Variants in SPECC1 observed in about 807,000 individuals in gnomAD.
The protein encoded by SPECC1 is cytospin-B.
In SPECC1, 62 loss-of-function variants were observed where a neutral mutation model predicts 104.1. That is an observed-to-expected ratio of 0.60 (90% CI 0.49 to 0.74). The LOEUF (loss-of-function observed/expected upper bound fraction) is 0.74, where lower values mean the gene tolerates loss of function less well. Ranked by LOEUF, SPECC1 falls within the 30% of genes least tolerant of loss-of-function variation. SPECC1 has a pLI of 0.00. For missense variants in SPECC1, 1,306 were observed against 1,310.5 expected (o/e 1.00, Z 0.05); for synonymous variants, 513 against 501.6 (o/e 1.02, Z -0.30).
intron 10 of SPECC1, 110 bp downstream of exon 10, chr17:20,253,696 G>A: frequency 1.9e-6 from 2 of 1,048,450 alleles, no homozygotes; most frequent in Admixed American, 2.1e-5. Flanking sequence ...GGCATTTCTT[G>A]CAAGTGATTT....
chr17:20,163,218 T>G (rs2033333786), intron 3 of SPECC1, among the ~76,000 whole-genome samples: 1 of 152,222 alleles, frequency 6.6e-6, no homozygotes, highest in Admixed American at 6.5e-5. Context: ...TATACGTTAC[T>G]TTGATTTTTA....
intron 1 of SPECC1, among the ~76,000 whole-genome samples, chr17:20,063,842 T>C (rs2046272847): frequency 6.6e-6 from 1 of 152,078 alleles, no homozygotes; most frequent in African/African-American, 2.4e-5. Flanking sequence ...TCCCTCTGAG[T>C]TAAACTTAGC....
intron 12 of SPECC1, among the ~76,000 whole-genome samples, chr17:20,260,887 C>CCA (rs2040002155): frequency 6.6e-6 from 1 of 152,028 alleles, no homozygotes; most frequent in Admixed American, 6.6e-5. Context: ...GAGTCATGGG[C>CCA]CACCTAGTGT....
At chr17:20,217,276 TG>T (rs1314851611) in intron 4 of SPECC1, among the ~76,000 whole-genome samples, 24 of 148,942 alleles carry the variant, frequency 1.6e-4, no homozygotes, top group African/African-American at 3.9e-4. Flanking sequence ...TGTGTGTGTG[TG>T]TGTGTTTTTT....
chr17:20,255,774 G>A (rs559356570), intron 10 of SPECC1, among the ~76,000 whole-genome samples: 1 of 152,282 alleles, frequency 6.6e-6, no homozygotes, highest in Non-Finnish European at 1.5e-5. Context: ...GTCTCACTAA[G>A]TTGCCCAGGC....
intron 3 of SPECC1, among the ~76,000 whole-genome samples, chr17:20,167,761 G>A (rs1248453811): frequency 6.6e-6 from 1 of 152,166 alleles, no homozygotes; most frequent in African/African-American, 2.4e-5. Flanking sequence ...TGAGAAAAAT[G>A]TAATTTCTGT....
chr17:20,169,645 T>G (rs1272592700), intron 3 of SPECC1, among the ~76,000 whole-genome samples: 1 of 152,142 alleles, frequency 6.6e-6, no homozygotes, highest in Non-Finnish European at 1.5e-5. Flanking sequence ...CCTGATAATT[T>G]TAACATTCTG....
chr17:20,257,538 C>T lies in SPECC1; in HGVS notation c.2768C>T (p.Ser923Phe), dbSNP rs1205910642. ...CTAGAGTCACTGAGCAGACCCCCGT[C>T]TCTGGGCTTTGGGGACACAAGACTG... Reference protein sequence around the residue: ...PSLESLSRPPSLGFGDTRLLS... With the variant: ...PSLESLSRPPFLGFGDTRLLS... The change falls in exon 11 of 15, where the codon TCT becomes TTT. Residue 923 changes from serine (S) to phenylalanine (F), a missense_variant. This residue lies in a region of SPECC1 where 1,177 missense variants were observed against 1,139.9 expected (regional missense o/e 1.03). Coordinates refer to ENST00000395527, the MANE Select transcript of SPECC1 (RefSeq NM_001243439.2). 1.9e-6 allele frequency: 3 copies of T among 1,613,590 alleles called. No homozygotes were observed. The highest frequency in any genetic ancestry group is 1.7e-5 in the Admixed American group (1 of 59,856).
chr17:20,082,169 C>A (rs2047000779), intron 1 of SPECC1, among the ~76,000 whole-genome samples: 1 of 152,198 alleles, frequency 6.6e-6, no homozygotes, highest in South Asian at 2.1e-4. Context: ...TGGGGGTGCT[C>A]CTCTTCTCAC....
At chr17:20,016,784 G>A (rs1368914325) in intron 1 of SPECC1, among the ~76,000 whole-genome samples, 1 of 152,214 alleles carries the variant, frequency 6.6e-6, no homozygotes, top group Admixed American at 6.5e-5. Context: ...CAGTCCCATC[G>A]ACCACCAGAG....
intron 1 of SPECC1, among the ~76,000 whole-genome samples, chr17:20,041,202 A>G (rs1255680434): frequency 1.3e-5 from 2 of 151,974 alleles, no homozygotes; most frequent in Non-Finnish European, 2.9e-5. Context: ...CAATTTGGTT[A>G]CTGTATTTTT....
chr17:20,301,810 A>T (rs1388142166), intron 13 of SPECC1, among the ~76,000 whole-genome samples: 1 of 152,042 alleles, frequency 6.6e-6, no homozygotes, highest in East Asian at 1.9e-4. Context: ...AGTCCAAGCG[A>T]TTCTCCTGCC....
At chr17:20,201,213 C>T (rs1341269574) in intron 3 of SPECC1, among the ~76,000 whole-genome samples, 1 of 151,784 alleles carries the variant, frequency 6.6e-6, no homozygotes, top group Non-Finnish European at 1.5e-5. Context: ...GTCATCCTAG[C>T]ACTTGGGAGG....
chr17:20,205,697 G>A lies in SPECC1; in HGVS notation c.1648G>A (p.Glu550Lys), dbSNP rs1228777897. 1 of 1,614,190 alleles carries A rather than the reference G, an allele frequency of 6.2e-7. No homozygotes were observed. Among genetic ancestry groups the A allele is most frequent in the Admixed American group, 1.7e-5 (1 of 60,020 alleles). Residue 550 changes from glutamate (E) to lysine (K), a missense_variant, in exon 4 of 15, where the codon GAG (glutamate) becomes AAG (lysine). By Grantham distance (56) the Glu-to-Lys change is moderately conservative. Around this residue, in one of 2 missense-constraint regions of SPECC1, gnomAD observed 1,177 missense variants for 1,139.9 expected, o/e 1.03. Coordinates refer to ENST00000395527, the MANE Select transcript of SPECC1 (RefSeq NM_001243439.2). ...CRVTLEGLKM[E>K]NGSLKSHLQG... The stretch of plus-strand genomic sequence containing the variant: ...AGTTACCTTGGAAGGGCTAAAAATG[G>A]AGAATGGATCTTTGAAGTCTCATTT...
At chr17:20,140,783 A>T (rs2030681574) in intron 3 of SPECC1, among the ~76,000 whole-genome samples, 1 of 152,240 alleles carries the variant, frequency 6.6e-6, no homozygotes, top group African/African-American at 2.4e-5. Context: ...AGAGTGCATA[A>T]GAGAGCAACT....
At chr17:20,200,867 T>C (rs1211191632) in intron 3 of SPECC1, among the ~76,000 whole-genome samples, 1 of 150,472 alleles carries the variant, frequency 6.6e-6, no homozygotes, top group African/African-American at 2.5e-5. Flanking sequence ...GAAGAATCTT[T>C]TGGAAAACAG....
In SPECC1 at chr17:20,205,014, CTTCT is replaced by C. The variant is rs775114028; in HGVS notation, c.968_971del (p.Ser323CysfsTer42). 8.7e-6 allele frequency: 14 copies of C among 1,614,012 alleles called. No individual in the cohort carries two copies. The highest frequency in any genetic ancestry group is 2.2e-5 in the East Asian group (1 of 44,900). The stretch of plus-strand genomic sequence containing the variant: ...TCCTCAAGTAGCGATGTTACCAAAG[CTTCT>C]TTGTCGCCAGATGCTTCCGACTTTG... On this transcript the variant is annotated frameshift_variant, in exon 4 of 15. Transcript: ENST00000395527. LOFTEE classifies it high-confidence loss of function.
At chr17:20,097,502 C>T (rs4570919) in intron 2 of SPECC1, among the ~76,000 whole-genome samples, 79,608 of 152,040 alleles carry the variant, frequency 0.52, 21,294 homozygotes, top group Middle Eastern at 0.62. Flanking sequence ...TAAAGCACCA[C>T]GGGCGTGACA....
chr17:20,018,587 G>A (rs1352974918), intron 1 of SPECC1, among the ~76,000 whole-genome samples: 1 of 152,196 alleles, frequency 6.6e-6, no homozygotes, highest in East Asian at 1.9e-4. Context: ...TCTGTGTTGG[G>A]GGCCCCCAGG....
Sources: gnomAD v4.1 joint callset for allele counts (sites outside exome capture counted in the v4.1 genomes callset) on GRCh38, gnomAD v4.1.1 for gene constraint, gnomAD v4.1.1 regional missense constraint, MANE v1.5 for transcripts, NCBI Gene and HGNC (gene_info 2026-07-23, HGNC 2026-07-21) for gene names.